The following NIPBL variants were observed in gnomAD, a reference collection of about 807,000 sequenced individuals.
NIPBL encodes the protein nipped-B-like protein.
In NIPBL, 19 loss-of-function variants were observed where a neutral mutation model predicts 321.8. The ratio of observed to expected loss-of-function variants is 0.06; its 90% confidence interval spans 0.04 to 0.09. NIPBL has a LOEUF of 0.09. Among genes scored for constraint, NIPBL ranks in the 10% least tolerant of loss-of-function variants. The probability of loss-of-function intolerance (pLI) is 1.00; values close to 1 mark genes in which losing one functional copy is unlikely to be tolerated. For synonymous variants in NIPBL, 1,106 were observed against 1,114.1 expected, an observed-to-expected ratio of 0.99 and a Z score of 0.14; for missense variants, 2,210 against 3,327.0, an observed-to-expected ratio of 0.66 and a Z score of 8.26.
chr5:36,899,629 G>C (rs1747050571), intron 1 of NIPBL, among the ~76,000 whole-genome samples: 2 of 152,142 alleles, frequency 1.3e-5, no homozygotes, highest in Admixed American at 1.3e-4. Flanking sequence ...CCAAAGGATT[G>C]CTTTCTAAAT....
intron 1 of NIPBL, among the ~76,000 whole-genome samples, chr5:36,903,029 A>G (rs764111356): frequency 1.3e-5 from 2 of 152,024 alleles, no homozygotes; most frequent in Admixed American, 6.5e-5. Context: ...CTTTGTGGCT[A>G]TTGTAAATGG....
At chr5:37,049,438 T>G in intron 40 of NIPBL, 137 bp downstream of exon 40, 2 of 934,930 alleles carry the variant, frequency 2.1e-6, no homozygotes, top group Non-Finnish European at 3.4e-6. Flanking sequence ...AATCTGGCAG[T>G]TTTAGATAAT....
At chr5:36,976,633 C>G (rs1356643982) in intron 9 of NIPBL, among the ~76,000 whole-genome samples, 1 of 152,056 alleles carries the variant, frequency 6.6e-6, no homozygotes, top group Non-Finnish European at 1.5e-5. Flanking sequence ...AGGTCTGTTA[C>G]TCATTATGTA....
At chr5:37,055,165 A>C (rs6894622) in intron 42 of NIPBL, among the ~76,000 whole-genome samples, 2 of 151,924 alleles carry the variant, frequency 1.3e-5, no homozygotes, top group African/African-American at 4.8e-5. Flanking sequence ...CCTGGCCAAC[A>C]TGGCAAAATC....
intron 1 of NIPBL, among the ~76,000 whole-genome samples, chr5:36,930,957 T>G (rs1292496490): frequency 6.6e-6 from 1 of 152,186 alleles, no homozygotes; most frequent in Admixed American, 6.5e-5. Flanking sequence ...TAAAAAATAA[T>G]TTTTGTATGT....
At chr5:36,981,739 C>G (rs774909440) in intron 9 of NIPBL, among the ~76,000 whole-genome samples, 7 of 151,728 alleles carry the variant, frequency 4.6e-5, no homozygotes, top group Non-Finnish European at 1.0e-4. Context: ...CCAAGGTCCA[C>G]TTTCCATGTT....
chr5:36,876,823 T>TGCCGGGGGGGGGGGGGG lies in NIPBL; in HGVS notation c.-435_-434insGCCGGGGGGGGGGGGGG. 1 of 352,496 alleles carries TGCCGGGGGGGGGGGGGG rather than the reference T, an allele frequency of 2.8e-6. No homozygotes were observed. The allele number at this position is 352,496 out of a possible 1,614,324, so 21.8% of individuals were successfully genotyped here. Reference sequence around the variant, plus strand: ...AGAGAGAGACACACACAGGGCTCCTTCCCCCCGCCCTCCCCCCCCTCCCTC... The same window carrying TGCCGGGGGGGGGGGGGG: ...AGAGAGAGACACACACAGGGCTCCTTGCCGGGGGGGGGGGGGGCCCCCCGCCCTCCCCCCCCTCCCTC... On this transcript the variant is annotated 5_prime_UTR_variant, in exon 1 of 47. Coordinates refer to ENST00000282516, the MANE Select transcript of NIPBL (RefSeq NM_133433.4).
chr5:36,905,837 G>A (rs984670384), intron 1 of NIPBL, among the ~76,000 whole-genome samples: 6 of 151,792 alleles, frequency 4.0e-5, no homozygotes, highest in Admixed American at 1.3e-4. Flanking sequence ...TCCGCCTCCC[G>A]GGTTCACGCC....
intron 11 of NIPBL, 127 bp downstream of exon 11, chr5:36,995,931 A>G (rs1580426083): frequency 1.3e-6 from 1 of 792,790 alleles, no homozygotes; most frequent in East Asian, 2.7e-5. Flanking sequence ...ACAGTATAGT[A>G]AGTTTTTTTC....
chr5:37,060,618 A>G (rs940733676), intron 44 of NIPBL, among the ~76,000 whole-genome samples: 1 of 152,152 alleles, frequency 6.6e-6, no homozygotes, highest in Non-Finnish European at 1.5e-5. Context: ...TGGCCACTAT[A>G]TAGAGGATGG....
intron 1 of NIPBL, among the ~76,000 whole-genome samples, chr5:36,942,446 A>C (rs1168387889): frequency 6.8e-6 from 1 of 146,184 alleles, no homozygotes; most frequent in Non-Finnish European, 1.5e-5. Flanking sequence ...AAAAAAAAAA[A>C]AAAAAAAAAA....
intron 1 of NIPBL, among the ~76,000 whole-genome samples, chr5:36,942,214 C>T (rs997295792): frequency 1.3e-5 from 2 of 151,776 alleles, no homozygotes; most frequent in Non-Finnish European, 2.9e-5. Context: ...GGGCGGATCA[C>T]CTCAGGTCAG....
intron 34 of NIPBL, among the ~76,000 whole-genome samples, chr5:37,039,603 T>A (rs952653745): frequency 6.6e-6 from 1 of 152,078 alleles, no homozygotes; most frequent in African/African-American, 2.4e-5. Flanking sequence ...CTGCTAAAAA[T>A]TTGAAATTTT....
chr5:36,960,688 A>AAG (rs1238787330), intron 4 of NIPBL, among the ~76,000 whole-genome samples: 13 of 152,192 alleles, frequency 8.5e-5, no homozygotes, highest in Non-Finnish European at 1.8e-4. Flanking sequence ...GCTGCCAAAA[A>AAG]AGAGATTGGC....
At chr5:36,961,368 A>G in intron 4 of NIPBL, 116 bp from the exon 5 acceptor site, 1 of 727,694 alleles carries the variant, frequency 1.4e-6, no homozygotes, top group Non-Finnish European at 2.5e-6. Flanking sequence ...CTTTGAAATG[A>G]AAACATTGAT....
chr5:36,955,348 A>G, intron 2 of NIPBL, 124 bp from the exon 3 acceptor site: 1 of 803,446 alleles, frequency 1.2e-6, no homozygotes, highest in Non-Finnish European at 2.1e-6. Context: ...GAAGAGGAGG[A>G]ATGCCTTTTA....
chr5:36,924,375 T>A (rs1355814057), intron 1 of NIPBL, among the ~76,000 whole-genome samples: 1 of 152,200 alleles, frequency 6.6e-6, no homozygotes, highest in African/African-American at 2.4e-5. Flanking sequence ...AATTTTTTAT[T>A]TTTTTATTGT....
In NIPBL at chr5:36,985,823, A is replaced by G. The variant is rs200496609; in HGVS notation, c.2643A>G (p.Pro881=). The change falls in exon 10 of 47, where the codon CCA becomes CCG. Residue 881 remains proline, a synonymous_variant. Coordinates refer to ENST00000282516, the MANE Select transcript of NIPBL (RefSeq NM_133433.4). ...RHESGDSRER[P]SSGEQKSRPD... is the part of the protein sequence containing the mutation. Reference sequence around the variant, plus strand: ...AATCAGGGGACTCAAGGGAAAGACCATCTTCTGGGGAACAAAAATCAAGAC... The same window carrying G: ...AATCAGGGGACTCAAGGGAAAGACCGTCTTCTGGGGAACAAAAATCAAGAC... 2.5e-6 allele frequency: 4 copies of G among 1,613,966 alleles called. No individual in the cohort carries two copies. Among genetic ancestry groups the G allele is most frequent in the Middle Eastern group, 1.6e-4 (1 of 6,062 alleles).
At position 36,941,644 on chromosome 5, in the gene NIPBL, C is replaced by G. The variant is rs965674511; in HGVS notation, c.-79-11974C>G. ...TGCTATAACACATGGTCATTTGATT[C>G]TGTTTCCATTAGCCTTCTACTCTGG... On this transcript the variant is annotated intron_variant, in intron 1 of 46. Transcript: ENST00000282516. Among the ~76,000 whole-genome samples the G allele has an allele frequency of 2.6e-5, 4 of 151,880 alleles. No individual in the cohort carries two copies. In the East Asian group the frequency reaches 7.7e-4, roughly 29 times the overall value.
Sources: allele counts gnomAD v4.1 joint callset (sites outside exome capture counted in the v4.1 genomes callset), GRCh38; gene constraint gnomAD v4.1.1; transcripts MANE v1.5; gene names NCBI Gene and HGNC (gene_info 2026-07-23, HGNC 2026-07-21).